The following LYPLAL1 variants were observed in gnomAD, a reference collection of about 807,000 sequenced individuals.
LYPLAL1 encodes lysophospholipase like 1, also known as lysophospholipase-like protein 1.
A neutral mutation model predicts 19.7 loss-of-function variants in LYPLAL1; 23 were observed. The observed-to-expected ratio is 1.17, with a 90% CI of 0.84 to 1.65. The LOEUF (loss-of-function observed/expected upper bound fraction) is 1.65. LYPLAL1 is among the 40% of genes most tolerant of loss of function. LYPLAL1 has a pLI of 0.00. For missense variants in LYPLAL1, 355 were observed against 279.4 expected, an observed-to-expected ratio of 1.27 and a Z score of -1.93; for synonymous variants, 119 against 96.3, an observed-to-expected ratio of 1.24 and a Z score of -1.38.
chr1:219,217,407 T>TGTGTGTGA (rs1225833975), downstream of LYPLAL1, among the ~76,000 whole-genome samples: 8 of 116,156 alleles, frequency 6.9e-5, no homozygotes, highest in African/African-American at 2.4e-4. Flanking sequence ...TGTGTGTGTG[T>TGTGTGTGA]GAGAGATGGT....
the LYPLAL1 span, among the ~76,000 whole-genome samples, chr1:219,351,498 T>C: frequency 1.3e-5 from 2 of 152,190 alleles, no homozygotes; most frequent in Non-Finnish European, 2.9e-5. Context: ...TAGCAGGGTC[T>C]ATGTCATGAA....
chr1:219,193,648 A>G (rs1657378896), intron 3 of LYPLAL1, among the ~76,000 whole-genome samples: 2 of 151,886 alleles, frequency 1.3e-5, no homozygotes, highest in Admixed American at 6.6e-5. Flanking sequence ...TGAAAATTAT[A>G]ATCTTCAGAG....
chr1:219,393,086 T>A, the LYPLAL1 span, among the ~76,000 whole-genome samples: 1 of 152,202 alleles, frequency 6.6e-6, no homozygotes, highest in Non-Finnish European at 1.5e-5. Context: ...CTTGCTTAAT[T>A]TTTCTGAGCT....
the LYPLAL1 span, among the ~76,000 whole-genome samples, chr1:219,313,494 T>C: frequency 3.1e-4 from 46 of 150,608 alleles, no homozygotes; most frequent in Non-Finnish European, 5.0e-4. Context: ...TTTTATAGCA[T>C]CTTACGTTTT....
the LYPLAL1 span, among the ~76,000 whole-genome samples, chr1:219,230,004 CT>C: frequency 8.4e-3 from 1,274 of 152,246 alleles, 15 homozygotes; most frequent in Non-Finnish European, 8.0e-3. Context: ...CACAAATGGC[CT>C]TTTAGTCACG....
chr1:219,251,197 A>G, the LYPLAL1 span, among the ~76,000 whole-genome samples: 2 of 151,922 alleles, frequency 1.3e-5, no homozygotes, highest in African/African-American at 2.4e-5. Flanking sequence ...TCAGGTGCAT[A>G]GTTTGCAATT....
At chr1:219,428,563 C>T in the LYPLAL1 span, among the ~76,000 whole-genome samples, 6 of 152,216 alleles carry the variant, frequency 3.9e-5, no homozygotes, top group South Asian at 6.2e-4. Context: ...CAGCCCCTGA[C>T]CTTAAAGAGC....
chr1:219,201,773 G>A (rs991314277), intron 3 of LYPLAL1, among the ~76,000 whole-genome samples: 4 of 152,074 alleles, frequency 2.6e-5, no homozygotes, highest in Non-Finnish European at 4.4e-5. Context: ...TAAGTTTTAT[G>A]GAATTATACA....
chr1:219,293,549 C>T, the LYPLAL1 span, among the ~76,000 whole-genome samples: 46 of 151,920 alleles, frequency 3.0e-4, 1 homozygote, highest in African/African-American at 9.7e-4. Flanking sequence ...TATTTAAATA[C>T]GGAATCAAGA....
At chr1:219,328,618 G>A in the LYPLAL1 span, among the ~76,000 whole-genome samples, 153 of 151,956 alleles carry the variant, frequency 1.0e-3, 3 homozygotes, top group East Asian at 0.019. Flanking sequence ...ATATACACAC[G>A]CTCACAAATG....
chr1:219,425,782 A>G, the LYPLAL1 span, among the ~76,000 whole-genome samples: 1 of 152,252 alleles, frequency 6.6e-6, no homozygotes, highest in Non-Finnish European at 1.5e-5. Flanking sequence ...TGGTCATACC[A>G]TACAAAGATA....
the LYPLAL1 span, among the ~76,000 whole-genome samples, chr1:219,363,789 T>G: frequency 2.0e-5 from 3 of 152,174 alleles, no homozygotes; most frequent in Non-Finnish European, 4.4e-5. Flanking sequence ...CTGCCTTTCT[T>G]CTTTACTAGC....
chr1:219,224,865 A>G, the LYPLAL1 span, among the ~76,000 whole-genome samples: 2 of 152,152 alleles, frequency 1.3e-5, no homozygotes, highest in Admixed American at 6.6e-5. Context: ...CATTTCCTTC[A>G]GAGTTCTAAT....
At chr1:219,427,387 T>A in the LYPLAL1 span, among the ~76,000 whole-genome samples, 22 of 152,240 alleles carry the variant, frequency 1.4e-4, no homozygotes, top group Non-Finnish European at 3.1e-4. Flanking sequence ...GCTTTGTGTG[T>A]GAGCTTTTGA....
At chr1:219,401,845 T>C in the LYPLAL1 span, among the ~76,000 whole-genome samples, 2 of 152,214 alleles carry the variant, frequency 1.3e-5, no homozygotes, top group Non-Finnish European at 2.9e-5. Flanking sequence ...TAGGGATGGA[T>C]ATGAATAGAG....
intron 2 of LYPLAL1, among the ~76,000 whole-genome samples, chr1:219,192,410 A>C (rs1657252739): frequency 6.6e-6 from 1 of 151,544 alleles, no homozygotes; most frequent in South Asian, 2.1e-4. Context: ...ATTGGTTTAG[A>C]GTTCTTTCAA....
At chr1:219,348,672 C>T in the LYPLAL1 span, among the ~76,000 whole-genome samples, 42 of 152,226 alleles carry the variant, frequency 2.8e-4, no homozygotes, top group African/African-American at 9.1e-4. Flanking sequence ...AAATATGCAG[C>T]CAGCTGTCTA....
the LYPLAL1 span, among the ~76,000 whole-genome samples, chr1:219,429,065 T>C: frequency 1.3e-3 from 193 of 152,308 alleles, 2 homozygotes; most frequent in Middle Eastern, 6.8e-3. Flanking sequence ...GCGTATTTCT[T>C]GTGTTGCTTA....
chr1:219,399,048 A>C, the LYPLAL1 span, among the ~76,000 whole-genome samples: 2 of 152,228 alleles, frequency 1.3e-5, no homozygotes, highest in African/African-American at 4.8e-5. Context: ...CAGCAGCAGC[A>C]GTAGCAGTGC....
Sources: gnomAD v4.1 joint callset for allele counts (sites outside exome capture counted in the v4.1 genomes callset) on GRCh38, gnomAD v4.1.1 for gene constraint, MANE v1.5 for transcripts, NCBI Gene and HGNC (gene_info 2026-07-23, HGNC 2026-07-21) for gene names.